The following PLEKHH2 variants were observed in gnomAD, a reference collection of about 807,000 sequenced individuals.
The protein encoded by PLEKHH2 is pleckstrin homology, MyTH4 and FERM domain containing H2, also known as pleckstrin homology domain-containing family H member 2.
Under a neutral mutation model 187.9 loss-of-function variants are expected in PLEKHH2, and 129 were observed. That is an observed-to-expected ratio of 0.69 (90% CI 0.59 to 0.79). PLEKHH2 has a LOEUF of 0.79. PLEKHH2 is among the 30% of genes least tolerant of loss of function. The pLI is 0.00. For missense variants in PLEKHH2, 2,076 were observed against 1,751.2 expected (o/e 1.19, Z -3.31); for synonymous variants, 686 against 605.6 (o/e 1.13, Z -1.95).
intron 8 of PLEKHH2, among the ~76,000 whole-genome samples, chr2:43,701,614 A>G (rs1669370146): frequency 6.6e-6 from 1 of 151,976 alleles, no homozygotes. Context: ...TTATATAGCC[A>G]TTGGTTTCCA....
chr2:43,650,508 G>T (rs955134784), intron 2 of PLEKHH2, among the ~76,000 whole-genome samples: 1 of 152,102 alleles, frequency 6.6e-6, no homozygotes, highest in African/African-American at 2.4e-5. Flanking sequence ...AGTCTATATT[G>T]TGAAAGTAAA....
intron 8 of PLEKHH2, 150 bp from the exon 9 acceptor site, chr2:43,703,831 G>T: frequency 1.9e-6 from 1 of 524,918 alleles, no homozygotes; most frequent in East Asian, 3.1e-5. Context: ...ATTTTAGTTG[G>T]CACCGATGAT....
intron 9 of PLEKHH2, among the ~76,000 whole-genome samples, chr2:43,704,832 A>G (rs1481013865): frequency 2.0e-5 from 3 of 152,116 alleles, no homozygotes; most frequent in African/African-American, 7.2e-5. Flanking sequence ...CTTTCAAAAA[A>G]TGATTTCTAG....
chr2:43,715,334 G>A (rs13414847), intron 15 of PLEKHH2, among the ~76,000 whole-genome samples: 36,979 of 152,056 alleles, frequency 0.24, 4,814 homozygotes, highest in African/African-American at 0.33. Context: ...CTAGGAACAA[G>A]TCCTTTGGAG....
intron 25 of PLEKHH2, among the ~76,000 whole-genome samples, chr2:43,756,084 C>G (rs1282025589): frequency 6.6e-6 from 1 of 152,168 alleles, no homozygotes; most frequent in Non-Finnish European, 1.5e-5. Context: ...CTACCTTGAA[C>G]TTCATGCTCC....
rs182219133 is a variant in PLEKHH2, at chr2:43,695,272, T to G, written c.502+48T>G. 2.4e-4 allele frequency: 263 copies of G among 1,080,164 alleles called. No homozygotes were observed. The African/African-American group carries it at 3.8e-3, about 16-fold the overall frequency. The allele number at this position is 1,080,164 out of a possible 1,614,324, so 66.9% of individuals were successfully genotyped here. On this transcript the variant is annotated intron_variant, in intron 6 of 29. Transcript: ENST00000282406. ...GCTTAGTTGGATTTATTTGACTATATAGGCTTTTACTTTTTTTGATGTTTT... is the reference window on the plus strand; with the variant it reads ...GCTTAGTTGGATTTATTTGACTATAGAGGCTTTTACTTTTTTTGATGTTTT...
At chr2:43,743,777 C>G in intron 22 of PLEKHH2, 57 bp from the exon 23 acceptor site, 1 of 1,442,016 alleles carries the variant, frequency 6.9e-7, no homozygotes, top group Non-Finnish European at 9.5e-7. Context: ...TCCTTAAAAT[C>G]TCAGTTTGAA....
chr2:43,725,822 G>T (rs777185188), intron 16 of PLEKHH2, among the ~76,000 whole-genome samples: 1 of 152,150 alleles, frequency 6.6e-6, no homozygotes, highest in Non-Finnish European at 1.5e-5. Flanking sequence ...TTTTAAAAAG[G>T]TATGTTATAC....
At chr2:43,743,187 G>A (rs922030556) in intron 22 of PLEKHH2, among the ~76,000 whole-genome samples, 3 of 152,158 alleles carry the variant, frequency 2.0e-5, no homozygotes, top group African/African-American at 7.2e-5. Flanking sequence ...CACTTCGGTT[G>A]GGGCTTTTTC....
At chr2:43,649,205 A>C (rs967589374) in intron 2 of PLEKHH2, among the ~76,000 whole-genome samples, 3 of 152,198 alleles carry the variant, frequency 2.0e-5, no homozygotes, top group Non-Finnish European at 4.4e-5. Flanking sequence ...CTAGTATGCC[A>C]AATATAAACT....
chr2:43,646,071 A>G (rs1422679190), intron 2 of PLEKHH2, among the ~76,000 whole-genome samples: 8 of 152,164 alleles, frequency 5.3e-5, no homozygotes, highest in Admixed American at 5.2e-4. Context: ...TAGAAGACTA[A>G]AGTTATCCTT....
intron 18 of PLEKHH2, among the ~76,000 whole-genome samples, chr2:43,731,204 C>G (rs1185101905): frequency 6.6e-6 from 1 of 152,026 alleles, no homozygotes; most frequent in Non-Finnish European, 1.5e-5. Flanking sequence ...CAAAATCTCA[C>G]AAATCACTAA....
chr2:43,706,515 A>G lies in PLEKHH2; in HGVS notation c.1821+99A>G, dbSNP rs573293851. 1.1e-5 allele frequency: 9 copies of G among 851,592 alleles called. No individual in the cohort carries two copies. In the South Asian group the frequency reaches 1.4e-4, roughly 13 times the overall value. 52.8% of individuals were successfully genotyped at this position (851,592 alleles called of 1,614,324 possible). A position where few individuals can be genotyped will look rare whatever the true frequency, so the allele number is the denominator to read the frequency against. On this transcript the variant is annotated intron_variant, in intron 10 of 29. Transcript: ENST00000282406. ...CCAGATTCCATTCTTAACATTTTAC[A>G]CAGGCTCTCCCTTTATAGAAAGTTT...
At chr2:43,687,878 C>T (rs1487167629) in intron 3 of PLEKHH2, among the ~76,000 whole-genome samples, 3 of 151,952 alleles carry the variant, frequency 2.0e-5, no homozygotes, top group Non-Finnish European at 2.9e-5. Context: ...CTCTCTGCAG[C>T]CTTGACCTCT....
chr2:43,687,089 C>T (rs1030368696), intron 3 of PLEKHH2, among the ~76,000 whole-genome samples: 1 of 152,126 alleles, frequency 6.6e-6, no homozygotes, highest in Non-Finnish European at 1.5e-5. Context: ...ATGGATGATT[C>T]CATCTCCCAG....
At chr2:43,711,401 G>T in intron 14 of PLEKHH2, 1 of 984,088 alleles carries the variant, frequency 1.0e-6, no homozygotes, top group South Asian at 4.7e-5. Context: ...TTGCAGTGTG[G>T]CTAATTTGAG....
At chr2:43,753,579 G>A in intron 24 of PLEKHH2, 40 bp from the exon 25 acceptor site, 1 of 1,393,030 alleles carries the variant, frequency 7.2e-7, no homozygotes, top group African/African-American at 1.5e-5. Context: ...TTCCTTGTAA[G>A]AATATAATTT....
At chr2:43,734,107 G>T (rs1671177960) in intron 19 of PLEKHH2, among the ~76,000 whole-genome samples, 1 of 152,032 alleles carries the variant, frequency 6.6e-6, no homozygotes, top group Non-Finnish European at 1.5e-5. Flanking sequence ...CTTTTTACTT[G>T]GGACAATTTC....
At chr2:43,678,010 A>C (rs1021043190) in intron 2 of PLEKHH2, among the ~76,000 whole-genome samples, 7 of 150,652 alleles carry the variant, frequency 4.6e-5, no homozygotes, top group African/African-American at 1.2e-4. Flanking sequence ...GTTGCCAGGC[A>C]GAGGGTCTCC....
Sources: allele counts gnomAD v4.1 joint callset (sites outside exome capture counted in the v4.1 genomes callset), GRCh38; gene constraint gnomAD v4.1.1; transcripts MANE v1.5; gene names NCBI Gene and HGNC (gene_info 2026-07-23, HGNC 2026-07-21).